Variants in CLCN5 observed in about 807,000 individuals in gnomAD.
CLCN5 encodes Cl-/H+ antiporter 5.
CLCN5 carries 17 observed loss-of-function variants against 54.0 expected under a neutral mutation model. The ratio of observed to expected loss-of-function variants is 0.31; its 90% CI spans 0.22 to 0.47. The LOEUF is 0.47. CLCN5 is among the 20% of genes least tolerant of loss of function. CLCN5 has a pLI of 1.00. For missense variants in CLCN5, 448 were observed against 646.7 expected, an observed-to-expected ratio of 0.69 and a Z score of 3.33; for synonymous variants, 222 against 233.0, an observed-to-expected ratio of 0.95 and a Z score of 0.43.
intron 3 of CLCN5, chrX:49,945,268 T>A (rs928982590): frequency 9.0e-6 from 1 of 111,722 alleles, no homozygotes. Context: ...TTTTGGATAA[T>A]TATTTCTTAG....
In CLCN5 at chrX:50,098,853, A is replaced by G. The variant is rs1934342380; in HGVS notation, c.*6634A>G. On this transcript the variant is annotated 3_prime_UTR_variant, in exon 15 of 15. Coordinates refer to ENST00000376091, the MANE Select transcript of CLCN5 (RefSeq NM_001127898.4). ...GGAACAACATAGTCTAAAAAGGAAG[A>G]TGTGGACTGGGGAGTTAGGAGACCT... 1 of 112,406 alleles carries G rather than the reference A, an allele frequency of 8.9e-6. No individual in the cohort carries two copies. Among genetic ancestry groups the G allele is most frequent in the Admixed American group, 9.4e-5 (1 of 10,600 alleles). The allele number at this position is 112,406 out of a possible 1,213,427, so 9.3% of individuals were successfully genotyped here. A position where few individuals can be genotyped will look rare whatever the true frequency, so the allele number is the denominator to read the frequency against.
intron 4 of CLCN5, among the ~76,000 whole-genome samples, chrX:50,051,704 C>A (rs1932593702): frequency 9.0e-6 from 1 of 111,725 alleles, no homozygotes; most frequent in Admixed American, 9.5e-5. Flanking sequence ...TAGTTTTCTG[C>A]ATATAGATCT....
In CLCN5 at chrX:50,044,015, G is replaced by C. The variant is rs782327312; in HGVS notation, c.163+1553G>C. Among the ~76,000 whole-genome samples, 5 of 111,661 alleles carry C rather than the reference G, an allele frequency of 4.5e-5. No individual in the cohort carries two copies. The South Asian group carries it at 1.9e-3, about 42-fold the overall frequency. ...TTGCTGAGCTCTGGGAATTAGCAAG[G>C]CTTGAAGATACCATCCCTGCCTTCA... On this transcript the variant is annotated intron_variant, in intron 4 of 14. Coordinates refer to ENST00000376091, the MANE Select transcript of CLCN5 (RefSeq NM_001127898.4).
chrX:50,053,378 T>A (rs1932651742), intron 4 of CLCN5, among the ~76,000 whole-genome samples: 1 of 111,485 alleles, frequency 9.0e-6, no homozygotes, highest in African/African-American at 3.3e-5. Flanking sequence ...TCATGACATC[T>A]TCTTCATTTC....
chrX:49,996,932 G>A (rs1459115354), intron 3 of CLCN5, among the ~76,000 whole-genome samples: 6 of 111,626 alleles, frequency 5.4e-5, no homozygotes, highest in Admixed American at 1.9e-4. Flanking sequence ...CTTAGCTTCT[G>A]AAATACCTTT....
rs782490452 is a variant in CLCN5, at chrX:49,972,103, GC to G, written c.16+46790del. Reference sequence around the variant, plus strand: ...TTTTACCCTATTTGCTTTATCATATGCATTCTCTGGTGTGTGTGTGTGTGTG... The same window carrying G: ...TTTTACCCTATTTGCTTTATCATATGATTCTCTGGTGTGTGTGTGTGTGTG... On this transcript the variant is annotated intron_variant, in intron 3 of 14. Transcript: ENST00000376091. Among the ~76,000 whole-genome samples, 79 of 94,275 alleles carry G rather than the reference GC, an allele frequency of 8.4e-4. No homozygotes were observed. The East Asian group carries it at 0.025, about 30-fold the overall frequency. The allele number at this position is 94,275 out of a possible 115,157, so 81.9% of individuals were successfully genotyped here.
intron 9 of CLCN5, among the ~76,000 whole-genome samples, chrX:50,082,316 C>CTT (rs781952945): frequency 2.0e-5 from 2 of 101,572 alleles, no homozygotes; most frequent in Admixed American, 1.1e-4. Flanking sequence ...ACTGGTTTTA[C>CTT]TTTTTTTTTT....
intron 3 of CLCN5, among the ~76,000 whole-genome samples, chrX:49,962,774 A>G (rs1323916766): frequency 6.3e-5 from 7 of 111,797 alleles, no homozygotes; most frequent in Non-Finnish European, 1.3e-4. Flanking sequence ...TTTAATTTCA[A>G]GCCTGGCCCG....
At position 50,081,939 on chromosome X, in the gene CLCN5, T is replaced by TAATGCAAACACCCC. The variant is rs1489423049; in HGVS notation, c.933+105_933+106insCAATGCAAACACCC. ...GAGAATTTGAGAGTTCTACCAATGT[T>TAATGCAAACACCCC]AATGCAAACACCCTTTGACCCAGCA... On this transcript the variant is annotated intron_variant, in intron 9 of 14. Transcript: ENST00000376091. 3.5e-5 allele frequency: 28 copies of TAATGCAAACACCCC among 789,757 alleles called. No homozygotes were observed. The East Asian group carries it at 7.6e-4, about 21-fold the overall frequency. The allele number at this position is 789,757 out of a possible 1,213,427, so 65.1% of individuals were successfully genotyped here.
chrX:49,983,706 A>G (rs1928856574), intron 3 of CLCN5, among the ~76,000 whole-genome samples: 1 of 108,346 alleles, frequency 9.2e-6, no homozygotes, highest in Non-Finnish European at 1.9e-5. Flanking sequence ...AATATAATAT[A>G]TATTAAAAAT....
intron 7 of CLCN5, among the ~76,000 whole-genome samples, chrX:50,077,621 A>AGAGTGT (rs1345872952): frequency 9.9e-4 from 78 of 78,701 alleles, no homozygotes; most frequent in African/African-American, 3.4e-3. Flanking sequence ...AGAGAGAGAG[A>AGAGTGT]GTGTGTGTGT....
At chrX:50,025,917 G>T (rs1249702597) in intron 3 of CLCN5, among the ~76,000 whole-genome samples, 2 of 111,474 alleles carry the variant, frequency 1.8e-5, no homozygotes, top group Non-Finnish European at 3.8e-5. Flanking sequence ...CTTCTCTTCT[G>T]CTTACTTTGG....
At chrX:50,033,754 C>T (rs1232062661) in intron 3 of CLCN5, among the ~76,000 whole-genome samples, 2 of 111,753 alleles carry the variant, frequency 1.8e-5, no homozygotes, top group Non-Finnish European at 3.8e-5. Flanking sequence ...CATCACGCTA[C>T]CTGACTTCAA....
chrX:49,958,683 C>T (rs969699114), intron 3 of CLCN5, among the ~76,000 whole-genome samples: 22 of 111,393 alleles, frequency 2.0e-4, no homozygotes, highest in African/African-American at 7.2e-4. Flanking sequence ...AGTAGGTTAT[C>T]TCAATACTAT....
chrX:49,939,147 G>A (rs2147267504), intron 3 of CLCN5, among the ~76,000 whole-genome samples: 1 of 111,873 alleles, frequency 8.9e-6, no homozygotes, highest in East Asian at 2.8e-4. Context: ...AACAGGTGCT[G>A]GAAAGGATGT....
In CLCN5 at chrX:50,077,812, C is replaced by CAA. The variant is rs35768604; in HGVS notation, c.603+1866_603+1867dup. 1.9e-3 allele frequency among the ~76,000 whole-genome samples: 43 copies of CAA among 22,339 alleles called. 15 individuals are homozygous for CAA. The highest frequency in any genetic ancestry group is 0.029 in the Middle Eastern group (1 of 35). The allele number at this position is 22,339 out of a possible 115,157, so 19.4% of individuals were successfully genotyped here. A position where few individuals can be genotyped will look rare whatever the true frequency, so the allele number is the denominator to read the frequency against. The stretch of plus-strand genomic sequence containing the variant: ...CCAACATGGTGAAACCCTGTCTCTA[C>CAA]AAAAAAAAAAAAAAAAAAAAAAAAA... On this transcript the variant is annotated intron_variant, in intron 7 of 14. Transcript: ENST00000376091.
rs1479245578 is a variant in CLCN5 at position 50,090,505 on chromosome X, A to G, written c.2134A>G (p.Ile712Val). 1 of 1,203,539 alleles carries G rather than the reference A, an allele frequency of 8.3e-7. No individual in the cohort carries two copies. Among genetic ancestry groups the G allele is most frequent in the East Asian group, 3.0e-5 (1 of 33,616 alleles). The change falls in exon 13 of 15, where the codon ATT (isoleucine) becomes GTT (valine). Residue 712 changes from isoleucine (I) to valine (V), a missense_variant. Physicochemically the swap from Ile to Val is conservative, Grantham distance 29. Transcript: ENST00000376091. ...CTTTGTCCTCCGAAGAGATCTCATT[A>G]TTTCAATTGGTAAGGATTTCAGAAA... The part of the protein sequence containing the change: ...VGFVLRRDLI[I>V]SIENARKKQD...
chrX:49,970,603 G>A (rs1404594780), intron 3 of CLCN5, among the ~76,000 whole-genome samples: 1 of 111,741 alleles, frequency 8.9e-6, no homozygotes, highest in Admixed American at 9.5e-5. Context: ...TTGTTTTATA[G>A]CTGAATAATA....
intron 6 of CLCN5, among the ~76,000 whole-genome samples, chrX:50,074,529 A>G (rs1557191844): frequency 8.9e-6 from 1 of 112,134 alleles, no homozygotes; most frequent in East Asian, 2.8e-4. Flanking sequence ...GATAGAAGGC[A>G]GAGAAGATTG....
Sources: allele counts gnomAD v4.1 joint callset (sites outside exome capture counted in the v4.1 genomes callset), GRCh38; gene constraint gnomAD v4.1.1; transcripts MANE v1.5; gene names NCBI Gene and HGNC (gene_info 2026-07-23, HGNC 2026-07-21).